The following ADGRG6 variants were observed in gnomAD, a reference collection of about 807,000 sequenced individuals.
ADGRG6 encodes adhesion G protein-coupled receptor G6, also known as G-protein coupled receptor 126.
A neutral mutation model predicts 142.4 loss-of-function variants in ADGRG6; 84 were observed. The observed-to-expected ratio is 0.59, with a 90% CI of 0.49 to 0.71. ADGRG6 has a LOEUF of 0.71. Among genes scored for constraint, ADGRG6 ranks in the 30% least tolerant of loss-of-function variants. ADGRG6 has a pLI of 0.00. For missense variants in ADGRG6, 1,367 were observed against 1,466.6 expected, an observed-to-expected ratio of 0.93 and a Z score of 1.11; for synonymous variants, 521 against 520.5, an observed-to-expected ratio of 1.00 and a Z score of -0.01.
At chr6:142,375,447 T>C (rs1781456635) in intron 4 of ADGRG6, among the ~76,000 whole-genome samples, 1 of 152,222 alleles carries the variant, frequency 6.6e-6, no homozygotes, top group African/African-American at 2.4e-5. Flanking sequence ...AATTTCCTGC[T>C]GCTTAATCAT....
At chr6:142,309,731 CT>C in intron 2 of ADGRG6, 87 bp downstream of exon 2, 1 of 764,992 alleles carries the variant, frequency 1.3e-6, no homozygotes, top group Non-Finnish European at 2.0e-6. Context: ...TGTTGCCTTA[CT>C]TTTACTTACT....
At chr6:142,310,104 G>T (rs1777692399) in intron 2 of ADGRG6, among the ~76,000 whole-genome samples, 1 of 151,780 alleles carries the variant, frequency 6.6e-6, no homozygotes, top group African/African-American at 2.4e-5. Context: ...TGAAAATTCA[G>T]TTTTTAGACT....
At chr6:142,443,276 G>A (rs1777843345) in intron 24 of ADGRG6, 61 bp from the exon 25 acceptor site, 2 of 1,056,810 alleles carry the variant, frequency 1.9e-6, no homozygotes, top group Non-Finnish European at 2.8e-6. Flanking sequence ...ATACAATATG[G>A]TGGCCTGTAG....
intron 24 of ADGRG6, among the ~76,000 whole-genome samples, chr6:142,441,917 G>A (rs979497101): frequency 2.6e-5 from 4 of 152,064 alleles, no homozygotes; most frequent in Non-Finnish European, 5.9e-5. Flanking sequence ...CAGTTTGCTC[G>A]TTCTCTCCAT....
intron 2 of ADGRG6, among the ~76,000 whole-genome samples, chr6:142,325,284 G>A (rs1778717014): frequency 2.0e-5 from 3 of 152,200 alleles, no homozygotes; most frequent in East Asian, 1.9e-4. Flanking sequence ...GCCCTCCACT[G>A]TAATCACCTT....
chr6:142,416,286 A>T (rs933794008), intron 20 of ADGRG6, among the ~76,000 whole-genome samples: 2 of 152,156 alleles, frequency 1.3e-5, no homozygotes, highest in Non-Finnish European at 2.9e-5. Flanking sequence ...GTAAAGGAAA[A>T]GCCCTCACTC....
chr6:142,383,932 T>C (rs1781900596), intron 6 of ADGRG6, 89 bp downstream of exon 6: 1 of 701,228 alleles, frequency 1.4e-6, no homozygotes, highest in East Asian at 2.6e-5. Context: ...TCCAACAAAG[T>C]GTCTGTTACT....
At chr6:142,308,551 T>C (rs1408905361) in intron 1 of ADGRG6, among the ~76,000 whole-genome samples, 2 of 151,974 alleles carry the variant, frequency 1.3e-5, no homozygotes, top group Non-Finnish European at 2.9e-5. Context: ...AACCCTAAAC[T>C]ATCTTATTAG....
At chr6:142,308,524 A>T (rs903305433) in intron 1 of ADGRG6, among the ~76,000 whole-genome samples, 4 of 151,948 alleles carry the variant, frequency 2.6e-5, no homozygotes, top group African/African-American at 9.7e-5. Flanking sequence ...TGCAGGCTTT[A>T]GGGTAGATAT....
chr6:142,394,938 A>G (rs962608740), intron 9 of ADGRG6, among the ~76,000 whole-genome samples: 14 of 152,098 alleles, frequency 9.2e-5, no homozygotes, highest in Non-Finnish European at 2.1e-4. Context: ...AAAAGTTTCT[A>G]TAAGTCTTGC....
chr6:142,390,373 A>AG, intron 7 of ADGRG6, 30 bp downstream of exon 7: 1 of 1,304,424 alleles, frequency 7.7e-7, no homozygotes, highest in Non-Finnish European at 1.1e-6. Flanking sequence ...TTCTTTTTTA[A>AG]AAAAATTCTT....
chr6:142,371,272 C>T (rs1400698065), intron 4 of ADGRG6, among the ~76,000 whole-genome samples: 1 of 151,286 alleles, frequency 6.6e-6, no homozygotes, highest in Non-Finnish European at 1.5e-5. Flanking sequence ...AAGAAATTCT[C>T]ATGCCTCAGC....
At position 142,309,626 on chromosome 6, in the gene ADGRG6, A is replaced by T; in HGVS notation, c.85A>T (p.Met29Leu). Residue 29 changes from methionine (M) to leucine (L), a missense_variant, in exon 2 of 25, where the codon ATG becomes TTG. Around this residue, in one of 3 missense-constraint regions of ADGRG6, gnomAD observed 737 missense variants for 746.5 expected, o/e 0.99. Coordinates refer to ENST00000367609, the MANE Select transcript of ADGRG6 (RefSeq NM_198569.3). ...PLLFLFALYI[M>L]CVPHSVWGCA... ...CCTGTTCTTATTTGCTTTATATATC[A>T]TGTGTGTTCCTCACTCAGGTAAGAC... 1 of 1,599,994 alleles carries T rather than the reference A, an allele frequency of 6.3e-7. No homozygotes were observed. The highest frequency in any genetic ancestry group is 1.1e-5 in the South Asian group (1 of 88,990).
chr6:142,362,159 T>G (rs1396052644), intron 2 of ADGRG6, among the ~76,000 whole-genome samples: 1 of 152,150 alleles, frequency 6.6e-6, no homozygotes, highest in Non-Finnish European at 1.5e-5. Flanking sequence ...TTCAAAAAAT[T>G]GTCAGTCTTA....
At chr6:142,360,408 A>G (rs1780655148) in intron 2 of ADGRG6, among the ~76,000 whole-genome samples, 1 of 152,154 alleles carries the variant, frequency 6.6e-6, no homozygotes, top group South Asian at 2.1e-4. Flanking sequence ...CATAGAGGAG[A>G]GCTCTATTAG....
intron 2 of ADGRG6, among the ~76,000 whole-genome samples, chr6:142,321,530 C>A (rs1778517127): frequency 6.6e-6 from 1 of 151,848 alleles, no homozygotes; most frequent in Admixed American, 6.6e-5. Flanking sequence ...AAGGAATGAA[C>A]TACCTATGTA....
At chr6:142,374,658 C>G (rs574478691) in intron 4 of ADGRG6, among the ~76,000 whole-genome samples, 1 of 152,252 alleles carries the variant, frequency 6.6e-6, no homozygotes, top group African/African-American at 2.4e-5. Context: ...TTATACGGGC[C>G]AGGAAACTGA....
At chr6:142,408,989 C>T (rs1775951454) in intron 16 of ADGRG6, among the ~76,000 whole-genome samples, 2 of 152,160 alleles carry the variant, frequency 1.3e-5, no homozygotes, top group South Asian at 4.2e-4. Flanking sequence ...TTGTTTCAGC[C>T]CCTTCATTCA....
chr6:142,376,190 T>G (rs1781487163), intron 4 of ADGRG6, among the ~76,000 whole-genome samples: 1 of 152,124 alleles, frequency 6.6e-6, no homozygotes, highest in South Asian at 2.1e-4. Context: ...TGCAAGTATT[T>G]ATTTGCCTGT....
Sources: allele counts gnomAD v4.1 joint callset (sites outside exome capture counted in the v4.1 genomes callset), GRCh38; gene constraint gnomAD v4.1.1; regional missense constraint gnomAD v4.1.1; transcripts MANE v1.5; gene names NCBI Gene and HGNC (gene_info 2026-07-23, HGNC 2026-07-21).